The following SLC5A4 variants were observed in gnomAD, a reference collection of about 807,000 sequenced individuals.
SLC5A4 encodes the protein solute carrier family 5 member 4.
In SLC5A4, 55 loss-of-function variants were observed where a neutral mutation model predicts 70.3. That is an observed-to-expected ratio of 0.78 (90% CI 0.63 to 0.98). The LOEUF (loss-of-function observed/expected upper bound fraction) is 0.98. Ranked by LOEUF, SLC5A4 falls within the 50% of genes least tolerant of loss-of-function variation. SLC5A4 has a pLI of 0.00. For missense variants in SLC5A4, 735 were observed against 839.2 expected, an observed-to-expected ratio of 0.88 and a Z score of 1.53; for synonymous variants, 268 against 305.7, an observed-to-expected ratio of 0.88 and a Z score of 1.29.
intron 10 of SLC5A4, among the ~76,000 whole-genome samples, chr22:32,230,092 G>A (rs1925658406): frequency 6.6e-6 from 1 of 152,162 alleles, no homozygotes; most frequent in South Asian, 2.1e-4. Context: ...CTGCCCATTA[G>A]TAACGGCCCT....
intron 5 of SLC5A4, among the ~76,000 whole-genome samples, chr22:32,240,921 G>C (rs570702237): frequency 8.5e-5 from 13 of 152,216 alleles, no homozygotes; most frequent in Non-Finnish European, 1.5e-4. Flanking sequence ...GAGAAGTATA[G>C]ATAAATTATT....
intron 6 of SLC5A4, 151 bp downstream of exon 6, chr22:32,238,834 T>G (rs574169031): frequency 1.6e-6 from 1 of 640,830 alleles, no homozygotes; most frequent in African/African-American, 1.8e-5. Context: ...GGTCTAGTTG[T>G]GTTTCTGGTG....
At chr22:32,291,884 T>C in the SLC5A4 span, among the ~76,000 whole-genome samples, 1 of 143,704 alleles carries the variant, frequency 7.0e-6, no homozygotes, top group East Asian at 2.0e-4. Flanking sequence ...CTATCTTTTT[T>C]TTTTTGGAGA....
chr22:32,269,619 G>A, the SLC5A4 span: 11 of 609,050 alleles, frequency 1.8e-5, no homozygotes, highest in Middle Eastern at 2.8e-4. This position sits in a 1 kb window ranked among gnomAD's most constrained non-coding sequence, Gnocchi z 4.1. Context: ...GGCTCTGGCC[G>A]TACCCAAGCC....
chr22:32,343,676 G>T, the SLC5A4 span, among the ~76,000 whole-genome samples: 1 of 152,002 alleles, frequency 6.6e-6, no homozygotes, highest in African/African-American at 2.4e-5. Flanking sequence ...CATTTTTGTG[G>T]TCTCTACCCA....
chr22:32,295,808 T>C, the SLC5A4 span, among the ~76,000 whole-genome samples: 1 of 71,964 alleles, frequency 1.4e-5, no homozygotes, highest in Non-Finnish European at 2.8e-5. Context: ...TTTAAGTCTC[T>C]AATCCATCTT....
chr22:32,282,361 C>A, the SLC5A4 span, among the ~76,000 whole-genome samples: 1 of 152,136 alleles, frequency 6.6e-6, no homozygotes. Context: ...TGGCTAGTCT[C>A]TCTCTCCTTG....
the SLC5A4 span, among the ~76,000 whole-genome samples, chr22:32,299,194 G>A: frequency 5.8e-4 from 54 of 93,810 alleles, no homozygotes; most frequent in African/African-American, 1.9e-3. Context: ...GAATCTGAAC[G>A]TTGGCCTGCC....
chr22:32,348,747 C>A, the SLC5A4 span, among the ~76,000 whole-genome samples: 1 of 151,980 alleles, frequency 6.6e-6, no homozygotes, highest in Non-Finnish European at 1.5e-5. Context: ...TTCCAAAAAA[C>A]CCTATTATTT....
At chr22:32,325,968 A>G in the SLC5A4 span, among the ~76,000 whole-genome samples, 1 of 152,228 alleles carries the variant, frequency 6.6e-6, no homozygotes, top group South Asian at 2.1e-4. Context: ...TGAGCCTGGA[A>G]TCGGAAGCAG....
intron 13 of SLC5A4, 128 bp downstream of exon 13, chr22:32,224,139 C>G (rs1249268894): frequency 3.0e-6 from 2 of 676,632 alleles, no homozygotes; most frequent in Non-Finnish European, 2.6e-6. Flanking sequence ...CCAGGATGGT[C>G]TCCATCTCCT....
At chr22:32,352,603 C>G in the SLC5A4 span, among the ~76,000 whole-genome samples, 1 of 151,916 alleles carries the variant, frequency 6.6e-6, no homozygotes, top group South Asian at 2.1e-4. Flanking sequence ...GCACCTCCAC[C>G]GCTGTCACAG....
chr22:32,334,722 A>C, the SLC5A4 span, among the ~76,000 whole-genome samples: 1 of 152,186 alleles, frequency 6.6e-6, no homozygotes, highest in Admixed American at 6.5e-5. Context: ...CCAGGGATTG[A>C]ATCATGGCTT....
chr22:32,342,060 A>AC, the SLC5A4 span, among the ~76,000 whole-genome samples: 1 of 152,236 alleles, frequency 6.6e-6, no homozygotes. Context: ...AGTGGCTAGT[A>AC]CAGTCCCTGG....
At chr22:32,309,474 C>T in the SLC5A4 span, among the ~76,000 whole-genome samples, 3 of 152,184 alleles carry the variant, frequency 2.0e-5, no homozygotes, top group African/African-American at 4.8e-5. Context: ...TGCTAAAAAC[C>T]GGTAACTCTA....
the SLC5A4 span, chr22:32,270,792 C>T: frequency 3.3e-6 from 2 of 601,858 alleles, no homozygotes; most frequent in Non-Finnish European, 6.1e-6. Context: ...GTGCCGACGG[C>T]CGCGTCACCA....
chr22:32,342,517 T>TAATAAA, the SLC5A4 span, among the ~76,000 whole-genome samples: 4 of 152,164 alleles, frequency 2.6e-5, no homozygotes, highest in African/African-American at 9.7e-5. Flanking sequence ...TTGTGAAAGT[T>TAATAAA]AATAATCTTA....
chr22:32,235,178 A>G, intron 7 of SLC5A4, 85 bp from the exon 8 acceptor site: 1 of 947,906 alleles, frequency 1.1e-6, no homozygotes, highest in Non-Finnish European at 1.7e-6. Context: ...TGGTGGAGGT[A>G]AACAAGCACC....
At chr22:32,303,178 C>G in the SLC5A4 span, among the ~76,000 whole-genome samples, 1 of 152,162 alleles carries the variant, frequency 6.6e-6, no homozygotes, top group African/African-American at 2.4e-5. Flanking sequence ...AAGATCCTCA[C>G]GACACGTGTC....
Sources: allele counts gnomAD v4.1 joint callset (sites outside exome capture counted in the v4.1 genomes callset), GRCh38; gene constraint gnomAD v4.1.1; non-coding constraint Gnocchi (gnomAD v3.1); transcripts MANE v1.5; gene names NCBI Gene and HGNC (gene_info 2026-07-23, HGNC 2026-07-21).